ECM2: variants seen among roughly 807,000 people sequenced by gnomAD.
The protein encoded by ECM2 is extracellular matrix protein 2.
A neutral mutation model predicts 67.5 loss-of-function variants in ECM2; 57 were observed. That is an observed-to-expected ratio of 0.84 (90% CI 0.68 to 1.05). The LOEUF is 1.05. ECM2 is among the 50% of genes least tolerant of loss of function. ECM2 has a pLI of 0.00. For missense variants in ECM2, 741 were observed against 822.8 expected, an observed-to-expected ratio of 0.90 and a Z score of 1.22; for synonymous variants, 258 against 294.5, an observed-to-expected ratio of 0.88 and a Z score of 1.27.
At position 92,515,209 on chromosome 9, in the gene ECM2, G is replaced by GACCA; in HGVS notation, c.482-10_482-7dup. ...ACTGAGTAGAGAATAGGAGACTAAT[G>GACCA]ACCACGCAAGGATGAGGTAGCAGAG... On this transcript the variant is annotated splice_polypyrimidine_tract_variant and splice_region_variant and intron_variant, in intron 3 of 9. Coordinates refer to ENST00000344604, the MANE Select transcript of ECM2 (RefSeq NM_001393.4). 1 of 1,546,302 alleles carries GACCA rather than the reference G, an allele frequency of 6.5e-7. No individual in the cohort carries two copies. Among genetic ancestry groups the GACCA allele is most frequent in the Non-Finnish European group, 8.7e-7 (1 of 1,150,090 alleles).
chr9:92,543,210 A>G, the ECM2 span, among the ~76,000 whole-genome samples: 1 of 152,156 alleles, frequency 6.6e-6, no homozygotes, highest in Non-Finnish European at 1.5e-5. Flanking sequence ...CGTGGCTCAC[A>G]CCTGTAATCC....
chr9:92,517,960 A>C (rs1396315960), intron 2 of ECM2, 85 bp from the exon 3 acceptor site: 1 of 1,477,084 alleles, frequency 6.8e-7, no homozygotes, highest in African/African-American at 1.4e-5. Flanking sequence ...GTGAAGTCAA[A>C]CTGCTCTAAC....
chr9:92,500,196 TTTTTGAG>T (rs1846586926), intron 9 of ECM2, among the ~76,000 whole-genome samples: 1 of 152,188 alleles, frequency 6.6e-6, no homozygotes, highest in South Asian at 2.1e-4. Flanking sequence ...GTTAATCTTT[TTTTTGAG>T]ATGGAGTCTC....
At chr9:92,517,645 A>G in intron 3 of ECM2, 42 bp downstream of exon 3, 4 of 1,608,964 alleles carry the variant, frequency 2.5e-6, no homozygotes, top group Non-Finnish European at 3.4e-6. Flanking sequence ...GAAGTTAAAG[A>G]TTAATCACAC....
chr9:92,556,700 C>T, the ECM2 span, among the ~76,000 whole-genome samples: 1 of 152,148 alleles, frequency 6.6e-6, no homozygotes. Flanking sequence ...TTTTTCTACC[C>T]CTTTACTTTA....
At chr9:92,537,113 T>A (rs7862677), upstream of ECM2, among the ~76,000 whole-genome samples, 39,619 of 151,344 alleles carry the variant, frequency 0.26, 7,641 homozygotes, top group African/African-American at 0.54. Context: ...TGACCTCATG[T>A]GATCCACCCA....
chr9:92,511,867 A>G (rs2131194162), intron 5 of ECM2, 144 bp downstream of exon 5: 1 of 562,936 alleles, frequency 1.8e-6, no homozygotes, highest in Non-Finnish European at 3.1e-6. Context: ...CTTGAATTCA[A>G]ATTAGGGACA....
Position 92,500,780 on chromosome 9 carries a change from C to G in ECM2, c.1878G>C (p.Gly626=). 1 of 1,614,052 alleles carries G rather than the reference C, an allele frequency of 6.2e-7. No individual in the cohort carries two copies. Among genetic ancestry groups the G allele is most frequent in the Non-Finnish European group, 8.5e-7 (1 of 1,180,008 alleles). ...DHNDLKSIPP[G]IQEMKALHFL... ...AATGTAGTGCTTTCATTTCTTGTAT[C>G]CCAGGTGGTATAGATTTTAAGTCAT... Residue 626 remains glycine, a synonymous_variant, in exon 9 of 10, where the codon GGG becomes GGC. Coordinates refer to ENST00000344604, the MANE Select transcript of ECM2 (RefSeq NM_001393.4).
the ECM2 span, among the ~76,000 whole-genome samples, chr9:92,553,306 G>C: frequency 6.6e-6 from 1 of 152,130 alleles, no homozygotes; most frequent in Admixed American, 6.5e-5. Flanking sequence ...CTGTTTTGGT[G>C]ACTGTGGCCT....
At chr9:92,509,150 G>A (rs1416153594) in intron 6 of ECM2, among the ~76,000 whole-genome samples, 5 of 151,754 alleles carry the variant, frequency 3.3e-5, no homozygotes, top group Non-Finnish European at 7.4e-5. Flanking sequence ...CATGGGGCAC[G>A]CTCACTAAAG....
the ECM2 span, among the ~76,000 whole-genome samples, chr9:92,550,583 C>T: frequency 2.0e-5 from 3 of 151,590 alleles, no homozygotes; most frequent in East Asian, 5.8e-4. Context: ...ATTTCCTGTC[C>T]TGCTGTAGTA....
At chr9:92,523,119 C>T (rs1027558813) in intron 1 of ECM2, among the ~76,000 whole-genome samples, 5 of 151,490 alleles carry the variant, frequency 3.3e-5, no homozygotes, top group Admixed American at 6.6e-5. Flanking sequence ...CTTGCTCCAT[C>T]GCCCAGGCTG....
At chr9:92,547,235 A>C in the ECM2 span, among the ~76,000 whole-genome samples, 3 of 152,250 alleles carry the variant, frequency 2.0e-5, no homozygotes, top group Non-Finnish European at 4.4e-5. Flanking sequence ...CATAGTAGGA[A>C]TATAAGGGAA....
At position 92,522,562 on chromosome 9, in the gene ECM2, A is replaced by G. The variant is rs555450660; in HGVS notation, c.292+13T>C. 6.3e-7 allele frequency: 1 copy of G among 1,591,702 alleles called. No homozygotes were observed. Among genetic ancestry groups the G allele is most frequent in the African/African-American group, 1.3e-5 (1 of 74,436 alleles). ...CTCCCTCTTTCTGTCTCTCTCTCATAGTGTTCTCTTACCTGGTAACACATT... is the reference window on the plus strand; with the variant it reads ...CTCCCTCTTTCTGTCTCTCTCTCATGGTGTTCTCTTACCTGGTAACACATT... On this transcript the variant is annotated intron_variant, in intron 2 of 9. Coordinates refer to ENST00000344604, the MANE Select transcript of ECM2 (RefSeq NM_001393.4).
rs1169255355 is a variant in ECM2 at position 92,509,953 on chromosome 9, C to T, written c.1252G>A (p.Glu418Lys). 1 of 1,610,622 alleles carries T rather than the reference C, an allele frequency of 6.2e-7. No individual in the cohort carries two copies. Among genetic ancestry groups the T allele is most frequent in the African/African-American group, 1.3e-5 (1 of 74,668 alleles). The change falls in exon 6 of 10, where the codon GAA becomes AAA. Residue 418 changes from glutamate to lysine, a missense_variant. Glu to Lys is a moderately conservative substitution (Grantham distance 56). Coordinates refer to ENST00000344604, the MANE Select transcript of ECM2 (RefSeq NM_001393.4). ...IPSQLPSTLE[E>K]LKVNENNLQA... is the part of the protein sequence containing the mutation. ...AGATTGTTCTCATTGACTTTAAGTT[C>T]TTCTAATGTAGATGGCAATTGTGAA... is the stretch of plus-strand genomic sequence containing the variant.
intron 1 of ECM2, among the ~76,000 whole-genome samples, chr9:92,533,304 A>AAACAAAC (rs1848928241): frequency 2.4e-4 from 7 of 28,998 alleles, no homozygotes; most frequent in South Asian, 1.3e-3. Flanking sequence ...GGTCTCAAAC[A>AAACAAAC]AAAAAAAAAA....
At chr9:92,540,164 C>T (rs913798225), upstream of ECM2, among the ~76,000 whole-genome samples, 9 of 152,328 alleles carry the variant, frequency 5.9e-5, no homozygotes, top group East Asian at 7.7e-4. Context: ...ATCAGCCGGG[C>T]GCGGTGCCTC....
chr9:92,517,303 A>T (rs1406094241), intron 3 of ECM2: 2 of 276,496 alleles, frequency 7.2e-6, no homozygotes, highest in African/African-American at 4.5e-5. Context: ...CCCTGGCTTC[A>T]AGATGATAAA....
chr9:92,536,808 G>T (rs964185470), upstream of ECM2, among the ~76,000 whole-genome samples: 6 of 151,920 alleles, frequency 3.9e-5, no homozygotes, highest in African/African-American at 1.5e-4. Context: ...AGGAATAACA[G>T]ATATGAAGGT....
Sources: gnomAD v4.1 joint callset for allele counts (sites outside exome capture counted in the v4.1 genomes callset) on GRCh38, gnomAD v4.1.1 for gene constraint, MANE v1.5 for transcripts, NCBI Gene and HGNC (gene_info 2026-07-23, HGNC 2026-07-21) for gene names.